The following HDAC9 variants were observed in gnomAD, a reference collection of about 807,000 sequenced individuals.
HDAC9 encodes histone deacetylase 9, also known as MEF-2 interacting transcription repressor (MITR) protein.
HDAC9 carries 41 observed loss-of-function variants against 139.4 expected under a neutral mutation model. That is an observed-to-expected ratio of 0.29 (90% confidence interval 0.23 to 0.38). The LOEUF (loss-of-function observed/expected upper bound fraction) is 0.38. Ranked by LOEUF, HDAC9 falls within the 10% of genes least tolerant of loss-of-function variation. The pLI is 1.00. For missense variants in HDAC9, 1,147 were observed against 1,297.0 expected, an observed-to-expected ratio of 0.88 and a Z score of 1.78; for synonymous variants, 517 against 476.2, an observed-to-expected ratio of 1.09 and a Z score of -1.12.
At chr7:18,355,866 A>G (rs1428426871) in intron 1 of HDAC9, among the ~76,000 whole-genome samples, 3 of 152,292 alleles carry the variant, frequency 2.0e-5, no homozygotes, top group Non-Finnish European at 2.9e-5. Flanking sequence ...AAAGAGGCCT[A>G]TCTATAGATA....
chr7:18,957,046 A>G (rs1783201453), intron 24 of HDAC9, among the ~76,000 whole-genome samples: 1 of 152,190 alleles, frequency 6.6e-6, no homozygotes, highest in South Asian at 2.1e-4. Context: ...ACGTTTACCA[A>G]GAAGGAATGA....
chr7:18,932,742 T>C lies in HDAC9; in HGVS notation c.2804-3067T>C, dbSNP rs79312074. Among the ~76,000 whole-genome samples the C allele has an allele frequency of 8.7e-3, 1,296 of 149,250 alleles. 17 individuals carry two copies. Among genetic ancestry groups the C allele is most frequent in the African/African-American group, 0.031 (1,236 of 40,486 alleles). On this transcript the variant is annotated intron_variant, in intron 22 of 25. Transcript: ENST00000686413. ...TAGCTTTTGCCACCAATAAAGGGAA[T>C]TTCCGAAAGAAAGTTTCAGAGAAAG...
At chr7:18,489,958 C>G (rs1796244493) in intron 1 of HDAC9, among the ~76,000 whole-genome samples, 1 of 152,004 alleles carries the variant, frequency 6.6e-6, no homozygotes, top group Admixed American at 6.6e-5. Flanking sequence ...CAATGCTGCT[C>G]TCATTCGCAA....
intron 1 of HDAC9, among the ~76,000 whole-genome samples, chr7:18,376,580 C>G (rs1030522975): frequency 6.6e-6 from 1 of 152,130 alleles, no homozygotes; most frequent in Non-Finnish European, 1.5e-5. Flanking sequence ...TGAAATAATT[C>G]TTACACCATA....
intron 1 of HDAC9, among the ~76,000 whole-genome samples, chr7:18,157,231 C>T (rs539866758): frequency 2.1e-4 from 32 of 152,286 alleles, no homozygotes; most frequent in Non-Finnish European, 1.9e-4. Context: ...AGTAAGGCTC[C>T]ACCAGTGCTT....
Position 18,504,199 on chromosome 7 carries a change from A to G in HDAC9, c.22+7875A>G, listed in dbSNP as rs1454231185. On this transcript the variant is annotated intron_variant, in intron 2 of 25. Transcript: ENST00000686413. ...ATTTTAAGTACATGATTTTTACATT[A>G]GGAACTATCCATTTTAAGTTAGAAA... 2.6e-5 allele frequency among the ~76,000 whole-genome samples: 4 copies of G among 152,350 alleles called. No homozygotes were observed. In the East Asian group the frequency reaches 7.7e-4, roughly 29 times the overall value.
intron 2 of HDAC9, among the ~76,000 whole-genome samples, chr7:18,232,500 C>T (rs1263163039): frequency 6.6e-6 from 1 of 152,096 alleles, no homozygotes; most frequent in Non-Finnish European, 1.5e-5. Flanking sequence ...TCACTTCCTC[C>T]CTGGTGTTTC....
At position 18,218,156 on chromosome 7, in the gene HDAC9, C is replaced by G. The variant is rs112435290; in HGVS notation, c.25+55807C>G. Reference sequence around the variant, plus strand: ...TTTTATGAACTACTTTCAGAAGTTACATACTGGCTGGGTGCAGTGACTTGT... The same window carrying G: ...TTTTATGAACTACTTTCAGAAGTTAGATACTGGCTGGGTGCAGTGACTTGT... On this transcript the variant is annotated intron_variant, in intron 2 of 12. Transcript: ENST00000417496. Among the ~76,000 whole-genome samples, 73 of 152,228 alleles carry G rather than the reference C, an allele frequency of 4.8e-4. 1 individual carries two copies. Among genetic ancestry groups the G allele is most frequent in the African/African-American group, 1.6e-3 (66 of 41,534 alleles).
At chr7:18,836,958 C>T (rs1025275518) in intron 21 of HDAC9, among the ~76,000 whole-genome samples, 1 of 151,858 alleles carries the variant, frequency 6.6e-6, no homozygotes, top group South Asian at 2.1e-4. Flanking sequence ...CCTGTTGATA[C>T]CCTATATTTG....
At chr7:18,839,569 A>T (rs1328747250) in intron 21 of HDAC9, among the ~76,000 whole-genome samples, 2 of 152,074 alleles carry the variant, frequency 1.3e-5, no homozygotes, top group Non-Finnish European at 2.9e-5. Flanking sequence ...AGAAAGAGGG[A>T]ATAATGTTGT....
chr7:18,614,269 C>T (rs922786204), intron 6 of HDAC9, among the ~76,000 whole-genome samples: 2 of 152,048 alleles, frequency 1.3e-5, no homozygotes, highest in Non-Finnish European at 2.9e-5. Flanking sequence ...TTAAGTGTAA[C>T]AGATTTGGAA....
intron 16 of HDAC9, among the ~76,000 whole-genome samples, chr7:18,774,139 A>G (rs1374315740): frequency 6.6e-6 from 1 of 152,090 alleles, no homozygotes; most frequent in Non-Finnish European, 1.5e-5. Flanking sequence ...TAGCAGTATC[A>G]TTATTGCTAT....
intron 2 of HDAC9, among the ~76,000 whole-genome samples, chr7:18,222,380 T>G (rs1172615000): frequency 6.6e-6 from 1 of 152,184 alleles, no homozygotes; most frequent in Admixed American, 6.5e-5. Context: ...CAACGTGTTT[T>G]CAAAAGGGCA....
chr7:18,990,934 G>A lies in HDAC9; in HGVS notation c.3171-5089G>A, dbSNP rs185993608. Among the ~76,000 whole-genome samples, 18 of 152,250 alleles carry A rather than the reference G, an allele frequency of 1.2e-4. 1 individual carries two copies. In the South Asian group the frequency reaches 2.5e-3, roughly 21 times the overall value. ...ATGGAGCGCGCACCCACTGACCTGC[G>A]CCCACTGTCTGGCACTCCCTAGTGA... On this transcript the variant is annotated intron_variant, in intron 25 of 25. Transcript: ENST00000686413.
chr7:18,573,324 G>T (rs889941994), intron 2 of HDAC9, among the ~76,000 whole-genome samples: 1 of 152,202 alleles, frequency 6.6e-6, no homozygotes, highest in Non-Finnish European at 1.5e-5. Flanking sequence ...CCACGATAAT[G>T]TTATCGTAAC....
chr7:18,965,572 A>G (rs988154927), intron 24 of HDAC9, among the ~76,000 whole-genome samples: 9 of 152,258 alleles, frequency 5.9e-5, no homozygotes, highest in Non-Finnish European at 1.3e-4. Context: ...AAGTGTGACG[A>G]GAAAAGAAAT....
chr7:18,496,358 G>A (rs557545338), intron 2 of HDAC9, 34 bp downstream of exon 2: 2 of 1,583,820 alleles, frequency 1.3e-6, no homozygotes, highest in South Asian at 1.1e-5. Context: ...GACGTTTTAG[G>A]TTTGAAAGGG....
intron 21 of HDAC9, among the ~76,000 whole-genome samples, chr7:18,858,670 A>G (rs751846284): frequency 1.3e-5 from 2 of 152,198 alleles, no homozygotes; most frequent in Non-Finnish European, 2.9e-5. Flanking sequence ...GTGACAACCC[A>G]TAGTCTAACT....
At chr7:18,557,180 A>T (rs1819059396) in intron 2 of HDAC9, among the ~76,000 whole-genome samples, 1 of 152,070 alleles carries the variant, frequency 6.6e-6, no homozygotes, top group Admixed American at 6.6e-5. Flanking sequence ...TTTTAAAGCC[A>T]GAAGACGCTC....
Sources: allele counts gnomAD v4.1 joint callset (sites outside exome capture counted in the v4.1 genomes callset), GRCh38; gene constraint gnomAD v4.1.1; transcripts MANE v1.5; gene names NCBI Gene and HGNC (gene_info 2026-07-23, HGNC 2026-07-21).